SANBR: variants seen among roughly 807,000 people sequenced by gnomAD.
The protein encoded by SANBR is SANT and BTB domain regulator of class switch recombination.
A neutral mutation model predicts 101.8 loss-of-function variants in SANBR; 77 were observed. That is an observed-to-expected ratio of 0.76 (90% CI 0.63 to 0.91). SANBR has a LOEUF of 0.91. Ranked by LOEUF, SANBR falls within the 40% of genes least tolerant of loss-of-function variation. SANBR has a pLI of 0.00. For missense variants in SANBR, 875 were observed against 853.0 expected (o/e 1.03, Z -0.32); for synonymous variants, 279 against 274.7 (o/e 1.02, Z -0.15).
At chr2:61,120,471 G>T (rs1186598899) in intron 20 of SANBR, among the ~76,000 whole-genome samples, 2 of 152,222 alleles carry the variant, frequency 1.3e-5, no homozygotes, top group Non-Finnish European at 2.9e-5. Context: ...CTGCACTCTA[G>T]CCTGGGCAAC....
At chr2:61,077,272 A>G (rs1681841820) in intron 6 of SANBR, 114 bp downstream of exon 6, 4 of 728,850 alleles carry the variant, frequency 5.5e-6, no homozygotes, top group East Asian at 4.9e-5. Flanking sequence ...TTATGCTCAT[A>G]TTAGTAACAG....
Position 61,105,210 on chromosome 2 carries a change from G to A in SANBR, c.1511+1212G>A, listed in dbSNP as rs565102751. Among the ~76,000 whole-genome samples the A allele has an allele frequency of 1.3e-4, 19 of 151,944 alleles. No homozygotes were observed. The South Asian group carries it at 1.7e-3, about 13-fold the overall frequency. On this transcript the variant is annotated intron_variant, in intron 13 of 21. Transcript: ENST00000402291. The stretch of plus-strand genomic sequence containing the variant: ...AGCCTGGCCAACATGGTGAAACCCC[G>A]TCTGTACTAACCAGGCATGGTGGCA...
chr2:61,093,601 A>G (rs534283553), intron 11 of SANBR, among the ~76,000 whole-genome samples: 2 of 147,340 alleles, frequency 1.4e-5, no homozygotes, highest in South Asian at 2.1e-4. Context: ...CTCAAAAGAG[A>G]AAAAAAAAAA....
chr2:61,078,224 A>G (rs1467222040), intron 6 of SANBR, among the ~76,000 whole-genome samples: 1 of 152,158 alleles, frequency 6.6e-6, no homozygotes, highest in Non-Finnish European at 1.5e-5. Flanking sequence ...TAAATTAGAG[A>G]ATTTTGTTAT....
chr2:61,090,718 T>TG (rs1682704248), intron 10 of SANBR: 1 of 143,142 alleles, frequency 7.0e-6, no homozygotes, highest in Non-Finnish European at 1.5e-5. Flanking sequence ...GGCACAGGGT[T>TG]TGTGTGTGTG....
At chr2:61,127,253 C>T (rs1478024355), downstream of SANBR, among the ~76,000 whole-genome samples, 1 of 152,144 alleles carries the variant, frequency 6.6e-6, no homozygotes, top group East Asian at 1.9e-4. Context: ...GGTGGTATCT[C>T]CAATATCTGG....
Position 61,077,009 on chromosome 2 carries a change from A to T in SANBR, c.521A>T (p.Lys174Met), listed in dbSNP as rs1681822692. Residue 174 changes from lysine (K) to methionine (M), a missense_variant, in exon 6 of 22, where the codon AAG (lysine) becomes ATG (methionine). Coordinates refer to ENST00000402291, the MANE Select transcript of SANBR (RefSeq NM_001129993.3). Reference protein sequence around the residue: ...CPRDLLISEMKYFAEYLSMDA... With the variant: ...CPRDLLISEMMYFAEYLSMDA... ...CGAGATCTTTTGATATCAGAAATGA[A>T]GTACTTTGCTGAATATTTATCTATG... The T allele has an allele frequency of 6.2e-7, 1 of 1,614,162 alleles. No homozygotes were observed. Among genetic ancestry groups the T allele is most frequent in the Non-Finnish European group, 8.5e-7 (1 of 1,180,010 alleles).
chr2:61,109,707 G>T, intron 16 of SANBR, among the ~76,000 whole-genome samples: 1 of 133,232 alleles, frequency 7.5e-6, no homozygotes, highest in African/African-American at 2.9e-5. Flanking sequence ...TTTTGAGGCA[G>T]AGTCTCACTC....
At chr2:61,119,092 A>G (rs969485949) in intron 20 of SANBR, among the ~76,000 whole-genome samples, 2 of 152,204 alleles carry the variant, frequency 1.3e-5, no homozygotes, top group Non-Finnish European at 2.9e-5. Context: ...TCAACTCTGC[A>G]TGTAGTGCTT....
intron 1 of SANBR, among the ~76,000 whole-genome samples, chr2:61,067,242 G>A (rs73932679): frequency 0.063 from 9,566 of 152,208 alleles, 1,048 homozygotes; most frequent in African/African-American, 0.22. Flanking sequence ...TTCTCATTTG[G>A]ATGATTTAAA....
intron 11 of SANBR, among the ~76,000 whole-genome samples, chr2:61,095,614 C>T (rs913325617): frequency 3.3e-5 from 5 of 152,074 alleles, no homozygotes; most frequent in Non-Finnish European, 4.4e-5. Flanking sequence ...ATTTTACTAA[C>T]TTGTTTTTGT....
At chr2:61,095,528 A>G (rs1486138969) in intron 11 of SANBR, among the ~76,000 whole-genome samples, 2 of 152,202 alleles carry the variant, frequency 1.3e-5, no homozygotes, top group African/African-American at 4.8e-5. Context: ...TCAAATAGCA[A>G]CTTCAGTACA....
At position 61,073,570 on chromosome 2, in the gene SANBR, G is replaced by T. The variant is rs746598627; in HGVS notation, c.431+19G>T. 7.2e-7 allele frequency: 1 copy of T among 1,384,308 alleles called. No homozygotes were observed. Among genetic ancestry groups the T allele is most frequent in the Non-Finnish European group, 1.0e-6 (1 of 989,452 alleles). The allele number at this position is 1,384,308 out of a possible 1,614,324, so 85.8% of individuals were successfully genotyped here. A position where few individuals can be genotyped will look rare whatever the true frequency, so the allele number is the denominator to read the frequency against. On this transcript the variant is annotated intron_variant, in intron 5 of 21. Coordinates refer to ENST00000402291, the MANE Select transcript of SANBR (RefSeq NM_001129993.3). ...CTGAAGGGTAGGCGGCTGGTTGTTTGCTAGATAAGATTAAATATTAATATC... is the reference window on the plus strand; with the variant it reads ...CTGAAGGGTAGGCGGCTGGTTGTTTTCTAGATAAGATTAAATATTAATATC...
chr2:61,121,922 T>C (rs557894426), intron 21 of SANBR, among the ~76,000 whole-genome samples: 29 of 152,312 alleles, frequency 1.9e-4, no homozygotes, highest in South Asian at 6.2e-4. Flanking sequence ...TTATATACAA[T>C]GTACATAACG....
At chr2:61,070,574 G>C in intron 3 of SANBR, 74 bp downstream of exon 3, 1 of 1,390,560 alleles carries the variant, frequency 7.2e-7, no homozygotes. Context: ...AACACCAAGA[G>C]AGAGAAAAAT....
At chr2:61,129,093 C>T (rs1223216711), downstream of SANBR, among the ~76,000 whole-genome samples, 4 of 152,066 alleles carry the variant, frequency 2.6e-5, no homozygotes, top group Non-Finnish European at 4.4e-5. Context: ...CCCAGATAAA[C>T]AAAAATTGAG....
chr2:61,125,108 C>G (rs1157587527), downstream of SANBR, among the ~76,000 whole-genome samples: 1 of 152,148 alleles, frequency 6.6e-6, no homozygotes, highest in African/African-American at 2.4e-5. Flanking sequence ...TAAAGCTGAT[C>G]TATTGGGGAA....
chr2:61,072,231 A>T (rs1681512771), intron 4 of SANBR, among the ~76,000 whole-genome samples: 1 of 152,072 alleles, frequency 6.6e-6, no homozygotes, highest in Non-Finnish European at 1.5e-5. Context: ...GAGCTACTGC[A>T]CCTGGCCTGA....
chr2:61,091,963 G>A (rs1409342664), intron 10 of SANBR, among the ~76,000 whole-genome samples: 1 of 151,930 alleles, frequency 6.6e-6, no homozygotes, highest in Non-Finnish European at 1.5e-5. Context: ...ATACATTAAT[G>A]AAATGTTATT....
Sources: allele counts gnomAD v4.1 joint callset (sites outside exome capture counted in the v4.1 genomes callset), GRCh38; gene constraint gnomAD v4.1.1; transcripts MANE v1.5; gene names NCBI Gene and HGNC (gene_info 2026-07-23, HGNC 2026-07-21).